The following DLGAP2 variants were observed in gnomAD, a reference collection of about 807,000 sequenced individuals.
DLGAP2 encodes the protein disks large-associated protein 2.
DLGAP2 carries 26 observed loss-of-function variants against 100.3 expected under a neutral mutation model. The observed-to-expected ratio is 0.26, with a 90% confidence interval of 0.19 to 0.36. The LOEUF (loss-of-function observed/expected upper bound fraction) is 0.36. Among genes scored for constraint, DLGAP2 ranks in the 10% least tolerant of loss-of-function variants. DLGAP2 has a pLI of 1.00. For synonymous variants in DLGAP2, 886 were observed against 630.1 expected, an observed-to-expected ratio of 1.41 and a Z score of -6.08; for missense variants, 1,858 against 1,453.2, an observed-to-expected ratio of 1.28 and a Z score of -4.53.
At chr8:1,120,875 C>G (rs541412462) in intron 2 of DLGAP2, among the ~76,000 whole-genome samples, 4 of 151,970 alleles carry the variant, frequency 2.6e-5, no homozygotes, top group African/African-American at 9.7e-5. Flanking sequence ...CCGTGACCAC[C>G]CATCGTCATT....
At chr8:892,471 C>A (rs1798055538) in intron 1 of DLGAP2, among the ~76,000 whole-genome samples, 1 of 152,138 alleles carries the variant, frequency 6.6e-6, no homozygotes, top group Non-Finnish European at 1.5e-5. Flanking sequence ...TGTGTGACTC[C>A]ACTCATACAA....
intron 2 of DLGAP2, among the ~76,000 whole-genome samples, chr8:1,231,912 A>T (rs1484304047): frequency 1.3e-5 from 2 of 152,170 alleles, no homozygotes; most frequent in Non-Finnish European, 2.9e-5. Flanking sequence ...CCTACAATAG[A>T]CCCAGGTAAC....
At chr8:1,043,073 GT>G (rs1259629089) in intron 2 of DLGAP2, among the ~76,000 whole-genome samples, 4 of 146,048 alleles carry the variant, frequency 2.7e-5, no homozygotes, top group Admixed American at 2.0e-4. Context: ...GATGTGGGTG[GT>G]GGATGTGGGA....
chr8:1,617,423 T>G (rs1797192436), intron 6 of DLGAP2, among the ~76,000 whole-genome samples: 1 of 152,194 alleles, frequency 6.6e-6, no homozygotes, highest in African/African-American at 2.4e-5. Flanking sequence ...GCCATTCTGA[T>G]GGGTGTGAGA....
At chr8:737,968 C>A (rs1820362515) in intron 1 of DLGAP2, 143 bp downstream of exon 1, 1 of 334,096 alleles carries the variant, frequency 3.0e-6, no homozygotes, top group South Asian at 1.4e-4. Context: ...TCGTGCCGCC[C>A]GCCGGGGCCG....
chr8:1,662,463 CT>C (rs1798430360), intron 8 of DLGAP2, among the ~76,000 whole-genome samples: 1 of 152,206 alleles, frequency 6.6e-6, no homozygotes, highest in African/African-American at 2.4e-5. Context: ...CTGACGTGCA[CT>C]CTTGGACCCG....
At chr8:1,106,625 A>G (rs1804781122) in intron 2 of DLGAP2, among the ~76,000 whole-genome samples, 1 of 147,888 alleles carries the variant, frequency 6.8e-6, no homozygotes, top group Non-Finnish European at 1.5e-5. Context: ...AGGGTTTTCT[A>G]TTGAAGGGAG....
intron 2 of DLGAP2, among the ~76,000 whole-genome samples, chr8:1,223,645 G>T (rs1798360358): frequency 6.6e-6 from 1 of 152,284 alleles, no homozygotes; most frequent in South Asian, 2.1e-4. Flanking sequence ...GCACTGATTT[G>T]TGTTCCCACA....
chr8:1,376,550 C>T (rs1190125735), intron 3 of DLGAP2, among the ~76,000 whole-genome samples: 1 of 152,202 alleles, frequency 6.6e-6, no homozygotes, highest in Non-Finnish European at 1.5e-5. Context: ...AAGACGCTCC[C>T]TTTCAGAAGC....
At chr8:1,048,589 G>A (rs1384878808) in intron 2 of DLGAP2, among the ~76,000 whole-genome samples, 1 of 151,606 alleles carries the variant, frequency 6.6e-6, no homozygotes, top group African/African-American at 2.4e-5. Flanking sequence ...AAGTACAATG[G>A]TGAATACTTG....
intron 6 of DLGAP2, among the ~76,000 whole-genome samples, chr8:1,606,984 C>G (rs756720267): frequency 2.0e-5 from 3 of 152,208 alleles, no homozygotes; most frequent in Non-Finnish European, 4.4e-5. Flanking sequence ...AGCACCCGGC[C>G]TCCTGTATGA....
chr8:1,596,025 T>TCC (rs1796449079), intron 6 of DLGAP2, among the ~76,000 whole-genome samples: 1 of 133,660 alleles, frequency 7.5e-6, no homozygotes, highest in Non-Finnish European at 1.6e-5. Flanking sequence ...CTCCCCTAGC[T>TCC]CCCCACCCCC....
chr8:1,065,126 C>G (rs1379909270), intron 2 of DLGAP2, among the ~76,000 whole-genome samples: 1 of 152,194 alleles, frequency 6.6e-6, no homozygotes, highest in Non-Finnish European at 1.5e-5. Context: ...TTTATTCACT[C>G]TCTCAGTTTA....
intron 1 of DLGAP2, among the ~76,000 whole-genome samples, chr8:899,042 GA>G (rs753088887): frequency 1.3e-5 from 2 of 152,246 alleles, no homozygotes; most frequent in African/African-American, 2.4e-5. Flanking sequence ...GTGGAAGTGT[GA>G]AGACCTCTGA....
At chr8:1,430,007 CATATAT>C (rs60682299) in intron 3 of DLGAP2, among the ~76,000 whole-genome samples, 1 of 54,390 alleles carries the variant, frequency 1.8e-5, no homozygotes, top group African/African-American at 6.1e-5. Flanking sequence ...CATATATATA[CATATAT>C]ATATATATAT....
At chr8:1,448,174 A>G (rs1798034029) in intron 3 of DLGAP2, among the ~76,000 whole-genome samples, 1 of 151,840 alleles carries the variant, frequency 6.6e-6, no homozygotes, top group African/African-American at 2.4e-5. Context: ...TTTAATTGTG[A>G]CATTAGGGTG....
intron 1 of DLGAP2, among the ~76,000 whole-genome samples, chr8:845,381 T>G (rs1272449454): frequency 6.6e-6 from 1 of 152,196 alleles, no homozygotes; most frequent in African/African-American, 2.4e-5. Flanking sequence ...GGGTATGGTG[T>G]TGTGGTTATG....
chr8:943,660 G>A (rs112489874), intron 2 of DLGAP2, among the ~76,000 whole-genome samples: 6,262 of 138,470 alleles, frequency 0.045, 446 homozygotes, highest in African/African-American at 0.16. Flanking sequence ...CCACAAGCAC[G>A]GCAAGAACCA....
chr8:768,713 A>G (rs900090651), intron 1 of DLGAP2, among the ~76,000 whole-genome samples: 4 of 152,042 alleles, frequency 2.6e-5, no homozygotes, highest in African/African-American at 9.7e-5. Flanking sequence ...TGGCGCTGAT[A>G]ATCTTGGTCT....
Sources: allele counts gnomAD v4.1 joint callset (sites outside exome capture counted in the v4.1 genomes callset), GRCh38; gene constraint gnomAD v4.1.1; transcripts MANE v1.5; gene names NCBI Gene and HGNC (gene_info 2026-07-23, HGNC 2026-07-21).